Variants in GLT8D2 observed in about 807,000 individuals in gnomAD.
The protein encoded by GLT8D2 is glycosyltransferase 8 domain-containing protein 2.
Under a neutral mutation model 44.5 loss-of-function variants are expected in GLT8D2, and 45 were observed. The ratio of observed to expected loss-of-function variants is 1.01; its 90% CI spans 0.80 to 1.30. The LOEUF (loss-of-function observed/expected upper bound fraction) is 1.30, where lower values mean the gene tolerates loss of function less well. GLT8D2 is among the 50% of genes most tolerant of loss of function. The pLI, the probability that GLT8D2 is intolerant of heterozygous loss-of-function variation, is 0.00. For missense variants in GLT8D2, 400 were observed against 430.4 expected (o/e 0.93, Z 0.62); for synonymous variants, 156 against 157.2 (o/e 0.99, Z 0.06).
upstream of GLT8D2, among the ~76,000 whole-genome samples, chr12:104,051,352 A>G (rs1386653411): frequency 1.3e-5 from 2 of 152,150 alleles, no homozygotes; most frequent in Admixed American, 1.3e-4. Flanking sequence ...TATCTTAATG[A>G]TATATTTTAC....
At chr12:104,013,815 C>T (rs1351799975) in intron 4 of GLT8D2, among the ~76,000 whole-genome samples, 2 of 152,174 alleles carry the variant, frequency 1.3e-5, no homozygotes, top group Non-Finnish European at 1.5e-5. Flanking sequence ...TATCAGGGCT[C>T]ACTGCTGCTT....
At chr12:104,051,003 T>C (rs970898044), upstream of GLT8D2, among the ~76,000 whole-genome samples, 2 of 151,856 alleles carry the variant, frequency 1.3e-5, no homozygotes, top group East Asian at 1.9e-4. Flanking sequence ...TTAGTAGAGA[T>C]GGGGTTTCGC....
intron 1 of GLT8D2, among the ~76,000 whole-genome samples, chr12:104,061,363 G>T (rs1566219111): frequency 6.6e-6 from 1 of 152,044 alleles, no homozygotes; most frequent in Non-Finnish European, 1.5e-5. Flanking sequence ...CAACATTAGG[G>T]TTGGAACGTT....
intron 3 of GLT8D2, among the ~76,000 whole-genome samples, chr12:104,016,742 A>G (rs905396342): frequency 1.9e-5 from 2 of 106,102 alleles, no homozygotes; most frequent in East Asian, 3.4e-4. Flanking sequence ...AAAGAAAGAA[A>G]GAAAGAAAGA....
chr12:104,028,311 T>C (rs907002367), intron 1 of GLT8D2, among the ~76,000 whole-genome samples: 2 of 152,188 alleles, frequency 1.3e-5, no homozygotes, highest in Admixed American at 1.3e-4. Flanking sequence ...TGTGTGTGTG[T>C]ATAATTGCAT....
intron 4 of GLT8D2, among the ~76,000 whole-genome samples, chr12:104,009,401 A>G (rs780864276): frequency 3.3e-5 from 5 of 152,204 alleles, no homozygotes; most frequent in African/African-American, 7.2e-5. Flanking sequence ...AATTTCTCCC[A>G]TTTGGAATGG....
chr12:104,057,979 A>G (rs1487301263), intron 1 of GLT8D2, among the ~76,000 whole-genome samples: 1 of 152,190 alleles, frequency 6.6e-6, no homozygotes, highest in South Asian at 2.1e-4. Flanking sequence ...TCAGTGTCCA[A>G]GGGACCTATG....
chr12:104,027,106 G>C (rs1878679202), intron 1 of GLT8D2, among the ~76,000 whole-genome samples: 1 of 152,174 alleles, frequency 6.6e-6, no homozygotes, highest in Non-Finnish European at 1.5e-5. Flanking sequence ...TAAACAACCA[G>C]CTACAATGTT....
chr12:104,053,200 TCTC>T (rs1881873971), upstream of GLT8D2, among the ~76,000 whole-genome samples: 1 of 152,174 alleles, frequency 6.6e-6, no homozygotes, highest in Non-Finnish European at 1.5e-5. Context: ...GATCATGTCA[TCTC>T]CTTTGAATCT....
intron 1 of GLT8D2, among the ~76,000 whole-genome samples, chr12:104,040,545 C>G (rs556935078): frequency 4.3e-4 from 65 of 152,266 alleles, no homozygotes; most frequent in Non-Finnish European, 1.5e-5. Flanking sequence ...CCTGCCTCAG[C>G]CTCCAAAGTA....
chr12:104,058,359 GTT>G (rs1882357764), intron 1 of GLT8D2, among the ~76,000 whole-genome samples: 1 of 152,160 alleles, frequency 6.6e-6, no homozygotes, highest in African/African-American at 2.4e-5. Context: ...TCTGCTCAGA[GTT>G]TTTTAAACTT....
chr12:104,012,163 T>A (rs1434385703), intron 4 of GLT8D2, among the ~76,000 whole-genome samples: 2 of 90,670 alleles, frequency 2.2e-5, no homozygotes, highest in Admixed American at 1.6e-4. Context: ...AGAGCGAAAC[T>A]CTGTCTCAAA....
At chr12:104,039,385 C>G (rs1880291187) in intron 1 of GLT8D2, among the ~76,000 whole-genome samples, 1 of 152,060 alleles carries the variant, frequency 6.6e-6, no homozygotes, top group African/African-American at 2.4e-5. Context: ...AAAATTTTTG[C>G]AATCTACCCA....
intron 5 of GLT8D2, among the ~76,000 whole-genome samples, chr12:104,001,929 CT>C (rs1307252419): frequency 6.6e-6 from 1 of 151,988 alleles, no homozygotes; most frequent in Non-Finnish European, 1.5e-5. Context: ...GTCTCAAATT[CT>C]TGACTTCAGG....
chr12:104,036,740 T>G (rs1227510643), intron 1 of GLT8D2, among the ~76,000 whole-genome samples: 1 of 152,130 alleles, frequency 6.6e-6, no homozygotes, highest in African/African-American at 2.4e-5. Flanking sequence ...ACTGTCAATA[T>G]TAGACAAATC....
At chr12:103,998,208 G>A (rs1873721572) in intron 6 of GLT8D2, among the ~76,000 whole-genome samples, 1 of 151,424 alleles carries the variant, frequency 6.6e-6, no homozygotes, top group East Asian at 2.0e-4. Flanking sequence ...AGTTTCTGTA[G>A]AACTGCTATC....
intron 1 of GLT8D2, among the ~76,000 whole-genome samples, chr12:104,060,026 A>C (rs1450090765): frequency 1.3e-5 from 2 of 152,126 alleles, no homozygotes. Context: ...CATTGAAAAC[A>C]TTTTAATTCT....
chr12:104,036,436 T>C (rs779969308), intron 1 of GLT8D2, among the ~76,000 whole-genome samples: 9 of 152,014 alleles, frequency 5.9e-5, no homozygotes, highest in Middle Eastern at 3.4e-3. Flanking sequence ...CAGAGACACA[T>C]ACAGGCTCAA....
intron 1 of GLT8D2, among the ~76,000 whole-genome samples, chr12:104,063,456 G>A (rs1458353364): frequency 2.0e-5 from 3 of 152,314 alleles, no homozygotes; most frequent in East Asian, 3.9e-4. Context: ...CAAGGCAGGA[G>A]GATCACTGGA....
Sources: gnomAD v4.1 joint callset for allele counts (sites outside exome capture counted in the v4.1 genomes callset) on GRCh38, gnomAD v4.1.1 for gene constraint, MANE v1.5 for transcripts, NCBI Gene and HGNC (gene_info 2026-07-23, HGNC 2026-07-21) for gene names.